Variants in CEP63 observed in about 807,000 individuals in gnomAD.
The protein encoded by CEP63 is centrosomal protein of 63 kDa.
In CEP63, 84 loss-of-function variants were observed where a neutral mutation model predicts 89.1. The ratio of observed to expected loss-of-function variants is 0.94; its 90% CI spans 0.79 to 1.13. The LOEUF (loss-of-function observed/expected upper bound fraction) is 1.13, where lower values mean the gene tolerates loss of function less well. Ranked by LOEUF, CEP63 falls within the 50% of genes most tolerant of loss-of-function variation. CEP63 has a pLI of 0.00. For missense variants in CEP63, 838 were observed against 813.3 expected, an observed-to-expected ratio of 1.03 and a Z score of -0.37; for synonymous variants, 267 against 272.5, an observed-to-expected ratio of 0.98 and a Z score of 0.20.
intron 3 of CEP63, among the ~76,000 whole-genome samples, chr3:134,514,272 G>A (rs1025252658): frequency 2.0e-5 from 3 of 152,126 alleles, no homozygotes; most frequent in Non-Finnish European, 4.4e-5. Flanking sequence ...AGAATAAAAT[G>A]TCTAGAATAA....
chr3:134,696,633 T>C, the CEP63 span, among the ~76,000 whole-genome samples: 81 of 152,158 alleles, frequency 5.3e-4, no homozygotes, highest in Admixed American at 1.3e-3. Context: ...TAAGCATTGG[T>C]GGTATTATGG....
intron 5 of CEP63, among the ~76,000 whole-genome samples, chr3:134,533,307 C>A (rs907118008): frequency 2.6e-5 from 4 of 152,132 alleles, no homozygotes; most frequent in Admixed American, 2.6e-4. Flanking sequence ...GAAACATGAC[C>A]ACTAGTTATA....
the CEP63 span, among the ~76,000 whole-genome samples, chr3:134,706,171 C>T: frequency 3.3e-5 from 5 of 152,126 alleles, no homozygotes; most frequent in Non-Finnish European, 7.4e-5. Flanking sequence ...TAACCCATTT[C>T]TTTCCACCCT....
chr3:134,742,769 G>C, the CEP63 span, among the ~76,000 whole-genome samples: 1 of 152,178 alleles, frequency 6.6e-6, no homozygotes, highest in Non-Finnish European at 1.5e-5. Context: ...TTTGGGAGTG[G>C]GTTCTCTCCC....
At chr3:134,495,172 T>C (rs949382497) in intron 1 of CEP63, 124 bp from the exon 2 acceptor site, 1 of 735,174 alleles carries the variant, frequency 1.4e-6, no homozygotes, top group Non-Finnish European at 2.5e-6. Flanking sequence ...TCTACAGTCA[T>C]CTTAAGAAGT....
At position 134,519,158 on chromosome 3, in the gene CEP63, C is replaced by T. The variant is rs192321534; in HGVS notation, c.222+11872C>T. Reference sequence around the variant, plus strand: ...TTTTGTTTTGAGATGGAGTCTCACTCTGTCGCCCAGGCAGGAGTGCAGTTG... The same window carrying T: ...TTTTGTTTTGAGATGGAGTCTCACTTTGTCGCCCAGGCAGGAGTGCAGTTG... On this transcript the variant is annotated intron_variant, in intron 3 of 14. Coordinates refer to ENST00000675561, the MANE Select transcript of CEP63 (RefSeq NM_001353108.3). Among the ~76,000 whole-genome samples the T allele has an allele frequency of 4.9e-4, 75 of 152,116 alleles. No homozygotes were observed. The East Asian group carries it at 0.014, about 29-fold the overall frequency.
intron 9 of CEP63, 64 bp from the exon 10 acceptor site, chr3:134,548,994 TTAGA>T (rs1477873298): frequency 2.7e-5 from 25 of 913,054 alleles, no homozygotes; most frequent in African/African-American, 9.7e-5. Flanking sequence ...AGAATGTAAA[TTAGA>T]TAGTCCAATT....
chr3:134,653,934 G>C, the CEP63 span, among the ~76,000 whole-genome samples: 1 of 152,302 alleles, frequency 6.6e-6, no homozygotes, highest in Non-Finnish European at 1.5e-5. Flanking sequence ...AAGGCTCTCT[G>C]TATTCCGACC....
At chr3:134,664,059 C>T in the CEP63 span, among the ~76,000 whole-genome samples, 9 of 152,158 alleles carry the variant, frequency 5.9e-5, no homozygotes, top group African/African-American at 1.4e-4. Flanking sequence ...CCACAAGACT[C>T]GGGCCTTCCC....
rs139808789 is a variant in CEP63 at position 134,499,961 on chromosome 3, T to C, written c.44+4597T>C. On this transcript the variant is annotated intron_variant, in intron 2 of 14. Coordinates refer to ENST00000675561, the MANE Select transcript of CEP63 (RefSeq NM_001353108.3). ...GTCTCAGCCTTGCAAGTAGCTGGGA[T>C]TACAGGCACACACCACCATGCCCAG... Among the ~76,000 whole-genome samples, 692 of 151,532 alleles carry C rather than the reference T, an allele frequency of 4.6e-3. 2 individuals are homozygous for C. The highest frequency in any genetic ancestry group is 0.016 in the African/African-American group (667 of 41,366).
At chr3:134,642,110 G>A in the CEP63 span, among the ~76,000 whole-genome samples, 1 of 152,172 alleles carries the variant, frequency 6.6e-6, no homozygotes, top group Non-Finnish European at 1.5e-5. Flanking sequence ...AAGGGACACT[G>A]GCCTGTACTG....
At chr3:134,725,703 C>T in the CEP63 span, among the ~76,000 whole-genome samples, 1 of 152,314 alleles carries the variant, frequency 6.6e-6, no homozygotes, top group East Asian at 1.9e-4. Context: ...TTATTGCTTA[C>T]AGTAAGAAAG....
At chr3:134,695,061 A>G in the CEP63 span, among the ~76,000 whole-genome samples, 3 of 152,372 alleles carry the variant, frequency 2.0e-5, no homozygotes, top group East Asian at 5.8e-4. Flanking sequence ...GCTCCTGACC[A>G]GATAGCACAG....
chr3:134,577,310 ATAG>A (rs1285239186), downstream of CEP63, among the ~76,000 whole-genome samples: 1 of 152,216 alleles, frequency 6.6e-6, no homozygotes, highest in Non-Finnish European at 1.5e-5. Flanking sequence ...TTTTTAAAAA[ATAG>A]TAGCATGGAT....
the CEP63 span, among the ~76,000 whole-genome samples, chr3:134,714,463 C>T: frequency 6.6e-6 from 1 of 152,160 alleles, no homozygotes; most frequent in Admixed American, 6.5e-5. Flanking sequence ...TGTGCTCCCT[C>T]TCTCTCCCCA....
chr3:134,533,380 G>A (rs567698402), intron 5 of CEP63, among the ~76,000 whole-genome samples: 1 of 152,300 alleles, frequency 6.6e-6, no homozygotes, highest in East Asian at 1.9e-4. Context: ...ACCTAATAAA[G>A]TGGGGGCTTA....
chr3:134,774,422 C>A, the CEP63 span, among the ~76,000 whole-genome samples: 2 of 152,186 alleles, frequency 1.3e-5, no homozygotes, highest in Non-Finnish European at 2.9e-5. Context: ...TCCACAAGTA[C>A]CTTCTAAGGA....
At chr3:134,510,326 A>T (rs1158599892) in intron 3 of CEP63, among the ~76,000 whole-genome samples, 1 of 152,190 alleles carries the variant, frequency 6.6e-6, no homozygotes, top group Non-Finnish European at 1.5e-5. Flanking sequence ...CATTTTTAAA[A>T]TTAGAGTCTA....
At chr3:134,623,257 T>A in the CEP63 span, among the ~76,000 whole-genome samples, 1 of 152,166 alleles carries the variant, frequency 6.6e-6, no homozygotes, top group Non-Finnish European at 1.5e-5. Context: ...GTTCTCTGAG[T>A]ATGGCCAGCA....
Sources: gnomAD v4.1 joint callset for allele counts (sites outside exome capture counted in the v4.1 genomes callset) on GRCh38, gnomAD v4.1.1 for gene constraint, MANE v1.5 for transcripts, NCBI Gene and HGNC (gene_info 2026-07-23, HGNC 2026-07-21) for gene names.